Variants in PLCL1 observed in about 807,000 individuals in gnomAD.
PLCL1 encodes the protein phospholipase C like 1 (inactive), also known as inactive phospholipase C-like protein 1.
Under a neutral mutation model 84.4 loss-of-function variants are expected in PLCL1, and 41 were observed. The observed-to-expected ratio is 0.49, with a 90% CI of 0.38 to 0.63. The LOEUF is 0.63. PLCL1 is among the 30% of genes least tolerant of loss of function. The pLI is 0.00. For missense variants in PLCL1, 1,206 were observed against 1,367.8 expected, an observed-to-expected ratio of 0.88 and a Z score of 1.87; for synonymous variants, 490 against 488.3, an observed-to-expected ratio of 1.00 and a Z score of -0.05.
At chr2:198,091,938 C>T (rs563330393) in intron 3 of PLCL1, among the ~76,000 whole-genome samples, 26 of 150,100 alleles carry the variant, frequency 1.7e-4, no homozygotes, top group East Asian at 3.9e-4. Context: ...CAACCTCATC[C>T]GCCTCTCACA....
intron 1 of PLCL1, among the ~76,000 whole-genome samples, chr2:198,076,115 T>G (rs947699771): frequency 2.6e-5 from 4 of 152,216 alleles, no homozygotes; most frequent in African/African-American, 4.8e-5. Context: ...AGTGGAAGCT[T>G]CTTCTGTTTA....
At chr2:197,972,134 A>G (rs559428966) in intron 1 of PLCL1, among the ~76,000 whole-genome samples, 1 of 152,356 alleles carries the variant, frequency 6.6e-6, no homozygotes, top group Non-Finnish European at 1.5e-5. Context: ...TTCTTCAGAA[A>G]TAAAAAATGC....
intron 1 of PLCL1, among the ~76,000 whole-genome samples, chr2:198,037,355 T>C (rs539396575): frequency 2.0e-5 from 3 of 152,218 alleles, no homozygotes; most frequent in Non-Finnish European, 4.4e-5. Flanking sequence ...TTACATACTA[T>C]AGTGCCATCT....
At chr2:198,017,109 A>G (rs555680556) in intron 1 of PLCL1, among the ~76,000 whole-genome samples, 1 of 152,318 alleles carries the variant, frequency 6.6e-6, no homozygotes, top group Non-Finnish European at 1.5e-5. Flanking sequence ...GACAATCCCT[A>G]TGCATTGCCA....
chr2:197,938,822 G>A (rs923578932), intron 1 of PLCL1, among the ~76,000 whole-genome samples: 5 of 152,118 alleles, frequency 3.3e-5, no homozygotes, highest in Non-Finnish European at 7.3e-5. Flanking sequence ...TGCATTCCAA[G>A]TTGACACTGA....
chr2:197,932,023 T>A (rs1438942723), intron 1 of PLCL1, among the ~76,000 whole-genome samples: 2 of 152,168 alleles, frequency 1.3e-5, no homozygotes, highest in Non-Finnish European at 2.9e-5. Flanking sequence ...TTTGAATGGG[T>A]AATGAGCAAG....
intron 1 of PLCL1, among the ~76,000 whole-genome samples, chr2:198,072,843 A>T (rs1424095425): frequency 1.3e-5 from 2 of 152,096 alleles, no homozygotes. Context: ...TGAAGAATAT[A>T]TTTCTTTAAT....
intron 5 of PLCL1, among the ~76,000 whole-genome samples, chr2:198,139,958 G>A (rs921644930): frequency 4.0e-5 from 6 of 151,716 alleles, no homozygotes; most frequent in African/African-American, 1.5e-4. Flanking sequence ...CCCCGAGATG[G>A]AGTCATGCTC....
rs74494005 is a variant in PLCL1 at position 198,045,687 on chromosome 2, G to A, written c.241-38071G>A. The stretch of plus-strand genomic sequence containing the variant: ...TCTAGAGTAATGAATTTCAACTGCC[G>A]GAAATCAATGGCTCTGCCAGATTCA... On this transcript the variant is annotated intron_variant, in intron 1 of 5. Coordinates refer to ENST00000428675, the MANE Select transcript of PLCL1 (RefSeq NM_006226.4). Among the ~76,000 whole-genome samples, 702 of 152,238 alleles carry A rather than the reference G, an allele frequency of 4.6e-3. 14 individuals carry two copies. The highest frequency in any genetic ancestry group is 0.033 in the Admixed American group (511 of 15,286).
chr2:198,146,786 G>A lies in PLCL1; in HGVS notation c.3112G>A (p.Gly1038Arg), dbSNP rs1436968752. 5 of 1,611,456 alleles carry A rather than the reference G, an allele frequency of 3.1e-6. No individual in the cohort carries two copies. Among genetic ancestry groups the A allele is most frequent in the Non-Finnish European group, 4.2e-6 (5 of 1,178,844 alleles). The change falls in exon 6 of 6, where the codon GGA (glycine) becomes AGA (arginine). Residue 1038 changes from glycine to arginine, a missense_variant. Transcript: ENST00000428675. ...AWNITVLKGQ[G>R]DLLKNAKNEA... is the part of the protein sequence containing the mutation. Reference sequence around the variant, plus strand: ...TGTTTTTTTCTGTTTGTAGGGCCAAGGAGATCTGTTGAAGAATGCCAAGAA... The same window carrying A: ...TGTTTTTTTCTGTTTGTAGGGCCAAAGAGATCTGTTGAAGAATGCCAAGAA...
intron 1 of PLCL1, among the ~76,000 whole-genome samples, chr2:197,907,166 T>C (rs1365833707): frequency 6.6e-6 from 1 of 152,110 alleles, no homozygotes; most frequent in Admixed American, 6.5e-5. Flanking sequence ...CTATTCAACA[T>C]AGTATTGGAA....
At chr2:198,081,225 T>G (rs1333201113) in intron 1 of PLCL1, among the ~76,000 whole-genome samples, 1 of 152,232 alleles carries the variant, frequency 6.6e-6, no homozygotes, top group Non-Finnish European at 1.5e-5. Flanking sequence ...CAATTCTATT[T>G]GGAACATGAG....
At chr2:198,059,132 A>AC (rs1026901534) in intron 1 of PLCL1, among the ~76,000 whole-genome samples, 4 of 152,030 alleles carry the variant, frequency 2.6e-5, no homozygotes, top group Non-Finnish European at 5.9e-5. Flanking sequence ...TATTCTGGCT[A>AC]CTCTCCTGTA....
chr2:197,977,070 A>C (rs1689997785), intron 1 of PLCL1, among the ~76,000 whole-genome samples: 1 of 152,094 alleles, frequency 6.6e-6, no homozygotes, highest in Non-Finnish European at 1.5e-5. Flanking sequence ...TTGCTCTGCA[A>C]ATCTCCAATT....
chr2:197,955,243 G>A (rs1689462700), intron 1 of PLCL1, among the ~76,000 whole-genome samples: 1 of 151,954 alleles, frequency 6.6e-6, no homozygotes, highest in East Asian at 1.9e-4. Context: ...ATGGGATCAG[G>A]TAAAAGCCTT....
chr2:197,821,763 A>T (rs993447422), intron 1 of PLCL1, among the ~76,000 whole-genome samples: 4 of 152,146 alleles, frequency 2.6e-5, no homozygotes, highest in African/African-American at 9.6e-5. Context: ...TGTAGTCTTT[A>T]TCAGGATGGC....
chr2:198,077,296 G>A (rs954698111), intron 1 of PLCL1, among the ~76,000 whole-genome samples: 2 of 151,850 alleles, frequency 1.3e-5, no homozygotes, highest in African/African-American at 4.8e-5. Flanking sequence ...TAACAAACCT[G>A]CACGTTGTGC....
chr2:198,122,250 A>C (rs1693885424), intron 5 of PLCL1, among the ~76,000 whole-genome samples: 1 of 152,110 alleles, frequency 6.6e-6, no homozygotes, highest in Non-Finnish European at 1.5e-5. Flanking sequence ...TTGGTTGCTC[A>C]TAAGAGGATA....
intron 1 of PLCL1, among the ~76,000 whole-genome samples, chr2:197,831,551 A>C (rs1691061962): frequency 1.3e-5 from 2 of 152,154 alleles, no homozygotes; most frequent in Admixed American, 6.5e-5. Context: ...AGAGACTTAG[A>C]CTCCCACACA....
Sources: allele counts gnomAD v4.1 joint callset (sites outside exome capture counted in the v4.1 genomes callset), GRCh38; gene constraint gnomAD v4.1.1; transcripts MANE v1.5; gene names NCBI Gene and HGNC (gene_info 2026-07-23, HGNC 2026-07-21).